Variants in CDKAL1 observed in about 807,000 individuals in gnomAD.
CDKAL1 encodes the protein threonylcarbamoyladenosine tRNA methylthiotransferase.
In CDKAL1, 32 loss-of-function variants were observed where a neutral mutation model predicts 68.2. The observed-to-expected ratio is 0.47, with a 90% confidence interval of 0.35 to 0.63. The LOEUF is 0.63. Ranked by LOEUF, CDKAL1 falls within the 30% of genes least tolerant of loss-of-function variation. CDKAL1 has a pLI of 0.00. For missense variants in CDKAL1, 606 were observed against 696.7 expected (o/e 0.87, Z 1.47); for synonymous variants, 234 against 244.3 (o/e 0.96, Z 0.39).
chr6:20,537,961 C>T (rs1211721242), intron 2 of CDKAL1, among the ~76,000 whole-genome samples: 1 of 152,184 alleles, frequency 6.6e-6, no homozygotes, highest in Admixed American at 6.5e-5. Flanking sequence ...TATTTAGGTA[C>T]TTATGATATA....
chr6:20,580,260 A>G (rs1765088713), intron 4 of CDKAL1, among the ~76,000 whole-genome samples: 1 of 152,234 alleles, frequency 6.6e-6, no homozygotes, highest in African/African-American at 2.4e-5. Flanking sequence ...AGTCCATGAC[A>G]TTCAGTAGTT....
intron 5 of CDKAL1, among the ~76,000 whole-genome samples, chr6:20,661,423 A>G (rs1055215558): frequency 2.0e-5 from 3 of 152,174 alleles, no homozygotes; most frequent in Admixed American, 6.6e-5. Flanking sequence ...ATGTATGTTC[A>G]GAGCAGCTTC....
intron 5 of CDKAL1, among the ~76,000 whole-genome samples, chr6:20,732,263 C>CTTTTTTTTTTTTTTTTTTTTTTTTTT (rs56911987): frequency 2.3e-4 from 19 of 83,490 alleles, no homozygotes; most frequent in South Asian, 4.8e-4. Context: ...TTCTTTCTTT[C>CTTTTTTTTTTTTTTTTTTTTTTTTTT]TTTTTTTTTT....
chr6:21,091,933 C>T (rs536191532), intron 12 of CDKAL1, among the ~76,000 whole-genome samples: 1 of 130,436 alleles, frequency 7.7e-6, no homozygotes, highest in Non-Finnish European at 1.5e-5. Context: ...GTCGCCCAGG[C>T]TGGAGTGCAG....
intron 8 of CDKAL1, among the ~76,000 whole-genome samples, chr6:20,816,426 T>C (rs1175667332): frequency 6.6e-6 from 1 of 152,188 alleles, no homozygotes; most frequent in East Asian, 1.9e-4. Flanking sequence ...TGCAATGTGC[T>C]AGCATTTAGT....
intron 6 of CDKAL1, among the ~76,000 whole-genome samples, chr6:20,752,606 A>T (rs935089621): frequency 6.6e-6 from 1 of 152,114 alleles, no homozygotes; most frequent in Non-Finnish European, 1.5e-5. Context: ...CAGATTCCCC[A>T]AATATTAACA....
intron 8 of CDKAL1, among the ~76,000 whole-genome samples, chr6:20,826,281 A>G (rs535517093): frequency 1.3e-5 from 2 of 152,082 alleles, no homozygotes; most frequent in Non-Finnish European, 2.9e-5. Flanking sequence ...TGTCACAAAA[A>G]TCTTTTTGGT....
rs537385461 is a variant in CDKAL1, at chr6:20,872,580, CA to C, written c.742+26403del. On this transcript the variant is annotated intron_variant, in intron 9 of 15. Coordinates refer to ENST00000274695, the MANE Select transcript of CDKAL1 (RefSeq NM_017774.3). ...AAGAAATGGGCATGCATATTTCAGTCAGAGAACACTCTGCAGTCTGAATAGC... is the reference window on the plus strand; with the variant it reads ...AAGAAATGGGCATGCATATTTCAGTCGAGAACACTCTGCAGTCTGAATAGC... Among the ~76,000 whole-genome samples, 376 of 152,292 alleles carry C rather than the reference CA, an allele frequency of 2.5e-3. 1 individual carries two copies. Among genetic ancestry groups the C allele is most frequent in the Non-Finnish European group, 4.1e-3 (276 of 68,004 alleles).
chr6:20,703,438 C>T (rs1337123720), intron 5 of CDKAL1, among the ~76,000 whole-genome samples: 1 of 151,498 alleles, frequency 6.6e-6, no homozygotes, highest in African/African-American at 2.4e-5. Context: ...TGGTTAATAT[C>T]CAAAAAACAA....
At chr6:20,721,156 C>G (rs1408902446) in intron 5 of CDKAL1, among the ~76,000 whole-genome samples, 1 of 146,688 alleles carries the variant, frequency 6.8e-6, no homozygotes, top group East Asian at 2.2e-4. Context: ...GTTCCCCACC[C>G]TGTGTCCAAG....
At chr6:21,045,022 T>C (rs1232788670) in intron 11 of CDKAL1, among the ~76,000 whole-genome samples, 1 of 152,178 alleles carries the variant, frequency 6.6e-6, no homozygotes, top group African/African-American at 2.4e-5. Flanking sequence ...CCTTGCCCTT[T>C]TATAAGGCTC....
At chr6:20,960,562 G>A (rs1457860475) in intron 10 of CDKAL1, among the ~76,000 whole-genome samples, 2 of 152,180 alleles carry the variant, frequency 1.3e-5, no homozygotes, top group African/African-American at 2.4e-5. Flanking sequence ...GTTATCATAA[G>A]GGAGATGTTG....
intron 4 of CDKAL1, among the ~76,000 whole-genome samples, chr6:20,591,531 T>G (rs1299401530): frequency 6.6e-6 from 1 of 152,196 alleles, no homozygotes; most frequent in African/African-American, 2.4e-5. Context: ...AATTTTTCTA[T>G]AAGGTGTAAG....
At chr6:20,653,210 A>G (rs1162726286) in intron 5 of CDKAL1, among the ~76,000 whole-genome samples, 1 of 152,198 alleles carries the variant, frequency 6.6e-6, no homozygotes, top group Non-Finnish European at 1.5e-5. Flanking sequence ...CACATGTGTA[A>G]GAATTATTCT....
chr6:20,980,916 A>T (rs1372092480), intron 10 of CDKAL1, among the ~76,000 whole-genome samples: 1 of 152,214 alleles, frequency 6.6e-6, no homozygotes, highest in African/African-American at 2.4e-5. Context: ...GCCCATTTGA[A>T]GACTCAGACT....
chr6:21,212,103 G>A (rs890084613), intron 15 of CDKAL1, among the ~76,000 whole-genome samples: 3 of 152,098 alleles, frequency 2.0e-5, no homozygotes, highest in African/African-American at 4.8e-5. Flanking sequence ...TATAGTGAAA[G>A]TTTCTATATG....
intron 11 of CDKAL1, among the ~76,000 whole-genome samples, chr6:21,002,268 G>A (rs1233391049): frequency 6.6e-6 from 1 of 152,146 alleles, no homozygotes; most frequent in East Asian, 1.9e-4. Context: ...TTTTCTAGAA[G>A]TATTCAACCA....
At chr6:20,945,892 G>A (rs1308921529) in intron 9 of CDKAL1, among the ~76,000 whole-genome samples, 1 of 152,058 alleles carries the variant, frequency 6.6e-6, no homozygotes, top group Non-Finnish European at 1.5e-5. Context: ...AATAAAGAAT[G>A]AATGAAATTA....
intron 13 of CDKAL1, among the ~76,000 whole-genome samples, chr6:21,180,580 T>C (rs1450564579): frequency 6.6e-6 from 1 of 152,182 alleles, no homozygotes; most frequent in Non-Finnish European, 1.5e-5. Flanking sequence ...CAGAAATAGC[T>C]AGTAAGGAAA....
Sources: allele counts gnomAD v4.1 joint callset (sites outside exome capture counted in the v4.1 genomes callset), GRCh38; gene constraint gnomAD v4.1.1; transcripts MANE v1.5; gene names NCBI Gene and HGNC (gene_info 2026-07-23, HGNC 2026-07-21).